The following ZNF318 variants were observed in gnomAD, a reference collection of about 807,000 sequenced individuals.
ZNF318 encodes endocrine regulator.
Under a neutral mutation model 124.2 loss-of-function variants are expected in ZNF318, and 51 were observed. The observed-to-expected ratio is 0.41, with a 90% CI of 0.33 to 0.52. The LOEUF (loss-of-function observed/expected upper bound fraction) is 0.52. Ranked by LOEUF, ZNF318 falls within the 20% of genes least tolerant of loss-of-function variation. The pLI is 0.23. For synonymous variants in ZNF318, 1,090 were observed against 1,040.7 expected (o/e 1.05, Z -0.91); for missense variants, 2,815 against 2,811.2 (o/e 1.00, Z -0.03).
chr6:43,342,075 G>T, intron 8 of ZNF318, 37 bp downstream of exon 8: 2 of 1,572,262 alleles, frequency 1.3e-6, no homozygotes, highest in Non-Finnish European at 8.8e-7. Context: ...TCAACTGAAT[G>T]TAAGGAAACC....
At chr6:43,347,039 T>C (rs570433375) in intron 6 of ZNF318, among the ~76,000 whole-genome samples, 1 of 152,282 alleles carries the variant, frequency 6.6e-6, no homozygotes, top group African/African-American at 2.4e-5. Context: ...TGGGAGTGTA[T>C]ATCAGGCAAA....
chr6:43,343,232 T>C (rs1779395281), intron 6 of ZNF318, among the ~76,000 whole-genome samples: 1 of 152,184 alleles, frequency 6.6e-6, no homozygotes, highest in Middle Eastern at 3.2e-3. Context: ...GTATACCCTT[T>C]AGTAAATGTT....
rs1289461648 is a variant in ZNF318 at position 43,337,459 on chromosome 6, G to C, written c.6539C>G (p.Ser2180Cys). The C allele has an allele frequency of 6.2e-7, 1 of 1,614,192 alleles. No homozygotes were observed. Among genetic ancestry groups the C allele is most frequent in the Non-Finnish European group, 8.5e-7 (1 of 1,180,022 alleles). The change falls in exon 10 of 10, where the codon TCT becomes TGT. Residue 2180 changes from serine (S) to cysteine (C), a missense_variant. Coordinates refer to ENST00000361428, the MANE Select transcript of ZNF318 (RefSeq NM_014345.3). ...ACACAGTTTATCTTTTTGAACTCCA[G>C]AGGTCCGTGTGACAAAGTCAACAAG... is the stretch of plus-strand genomic sequence containing the variant. ...PDLVDFVTRT[S>C]GVQKDKLCSP...
chr6:43,367,476 T>C (rs564806867), intron 1 of ZNF318, among the ~76,000 whole-genome samples: 37 of 152,234 alleles, frequency 2.4e-4, no homozygotes, highest in Non-Finnish European at 3.8e-4. Context: ...CAAGAGGTAA[T>C]AGGGCTTAGA....
chr6:43,353,932 T>A (rs927970092), intron 4 of ZNF318, among the ~76,000 whole-genome samples: 3 of 152,008 alleles, frequency 2.0e-5, no homozygotes, highest in Admixed American at 6.6e-5. Context: ...TGAACCTGGA[T>A]AATATAAAAA....
intron 5 of ZNF318, among the ~76,000 whole-genome samples, chr6:43,350,281 AG>A (rs1237679981): frequency 1.3e-5 from 2 of 152,168 alleles, no homozygotes; most frequent in Non-Finnish European, 2.9e-5. Flanking sequence ...AAAAAAAGAA[AG>A]TACTCAAAAA....
chr6:43,348,713 A>G, intron 5 of ZNF318, 88 bp from the exon 6 acceptor site: 2 of 1,440,166 alleles, frequency 1.4e-6, no homozygotes, highest in Non-Finnish European at 1.9e-6. Flanking sequence ...TCAGGGCTTT[A>G]TGGTTACAAA....
At chr6:43,365,246 G>A (rs758609492) in intron 2 of ZNF318, 46 bp downstream of exon 2, 5 of 1,569,138 alleles carry the variant, frequency 3.2e-6, no homozygotes, top group Non-Finnish European at 3.5e-6. Flanking sequence ...CAACATTTCT[G>A]CCTTCAAGTA....
In ZNF318 at chr6:43,354,816, T is replaced by C. The variant is rs1434093138; in HGVS notation, c.2518A>G (p.Thr840Ala). Residue 840 changes from threonine (T) to alanine (A), a missense_variant, in exon 4 of 10, where the codon ACT (threonine) becomes GCT (alanine). Physicochemically the swap from Thr to Ala is moderately conservative, Grantham distance 58. This residue lies in a region of ZNF318 where 1,377 missense variants were observed against 1,353.5 expected (regional missense o/e 1.02). Transcript: ENST00000361428. ...TGCTTAGGCTTATCAGGAGTCACAG[T>C]GGGGATCACACGAAGATTGGGACGG... ...RSRPNLRVIP[T>A]VTPDKPKQKE... 6.2e-7 allele frequency: 1 copy of C among 1,614,086 alleles called. No individual in the cohort carries two copies. Among genetic ancestry groups the C allele is most frequent in the African/African-American group, 1.3e-5 (1 of 74,932 alleles).
intron 5 of ZNF318, among the ~76,000 whole-genome samples, chr6:43,348,905 G>A (rs1779489044): frequency 6.6e-6 from 1 of 152,058 alleles, no homozygotes; most frequent in South Asian, 2.1e-4. Flanking sequence ...ATGGGGGTGG[G>A]CGCCTGTAAT....
rs1413850953 is a variant in ZNF318 at position 43,369,519 on chromosome 6, G to A, written c.-154C>T. On this transcript the variant is annotated 5_prime_UTR_variant, in exon 1 of 10. Coordinates refer to ENST00000361428, the MANE Select transcript of ZNF318 (RefSeq NM_014345.3). Reference sequence around the variant, plus strand: ...AGCCCCCTCCCCTCGGCCCCGCGTCGCCCCGGGGGCCCGGCCGAGCGCGCC... The same window carrying A: ...AGCCCCCTCCCCTCGGCCCCGCGTCACCCCGGGGGCCCGGCCGAGCGCGCC... 4 of 444,330 alleles carry A rather than the reference G, an allele frequency of 9.0e-6. No individual in the cohort carries two copies. The highest frequency in any genetic ancestry group is 2.2e-5 in the African/African-American group (1 of 46,502). The allele number at this position is 444,330 out of a possible 1,614,324, so 27.5% of individuals were successfully genotyped here.
Position 43,347,867 on chromosome 6 carries a change from G to A in ZNF318, c.3072+457C>T, listed in dbSNP as rs148547691. On this transcript the variant is annotated intron_variant, in intron 6 of 9. Transcript: ENST00000361428. ...TAAGCAGGAGCATCCAATGTACTACGAGGAAAAGAAGTGTGACAGAAGCCA... is the reference window on the plus strand; with the variant it reads ...TAAGCAGGAGCATCCAATGTACTACAAGGAAAAGAAGTGTGACAGAAGCCA... 1.5e-3 allele frequency among the ~76,000 whole-genome samples: 224 copies of A among 152,280 alleles called. 1 individual carries two copies. The Middle Eastern group carries it at 0.017, about 12-fold the overall frequency.
chr6:43,342,525 G>T, intron 7 of ZNF318, 151 bp downstream of exon 7: 1 of 771,290 alleles, frequency 1.3e-6, no homozygotes, highest in Non-Finnish European at 2.1e-6. Flanking sequence ...TGGGGATGGT[G>T]TCTCCTTTGT....
Position 43,348,373 on chromosome 6 carries a change from G to T in ZNF318, c.3023C>A (p.Ser1008Tyr), listed in dbSNP as rs758946175. The change falls in exon 6 of 10, where the codon TCT becomes TAT. Residue 1008 changes from serine to tyrosine, a missense_variant. Around this residue, in one of 4 missense-constraint regions of ZNF318, gnomAD observed 1,377 missense variants for 1,353.5 expected, o/e 1.02. Transcript: ENST00000361428. Reference sequence around the variant, plus strand: ...CGATGACACTTTTTCTGGGCTCTTAGATTTTTCTGCTTTCCCAGGCTTCTC... The same window carrying T: ...CGATGACACTTTTTCTGGGCTCTTATATTTTTCTGCTTTCCCAGGCTTCTC... ...PTEKPGKAEKSKSPEKVSSFS... is the reference protein window; with the variant it reads ...PTEKPGKAEKYKSPEKVSSFS... 47 of 1,613,092 alleles carry T rather than the reference G, an allele frequency of 2.9e-5. No homozygotes were observed. The highest frequency in any genetic ancestry group is 3.6e-5 in the Non-Finnish European group (43 of 1,179,828).
At chr6:43,359,583 C>A (rs1046378873) in intron 2 of ZNF318, among the ~76,000 whole-genome samples, 2 of 152,306 alleles carry the variant, frequency 1.3e-5, no homozygotes, top group East Asian at 3.9e-4. Flanking sequence ...TCTACAGTTT[C>A]TAGTAGCTAC....
chr6:43,339,285 T>C lies in ZNF318; in HGVS notation c.4713A>G (p.Ile1571Met), dbSNP rs1779336482. 1 of 1,614,074 alleles carries C rather than the reference T, an allele frequency of 6.2e-7. No individual in the cohort carries two copies. The highest frequency in any genetic ancestry group is 1.3e-5 in the African/African-American group (1 of 74,926). The change falls in exon 10 of 10, where the codon ATA becomes ATG. Residue 1571 changes from isoleucine to methionine, a missense_variant. Around this residue, in one of 4 missense-constraint regions of ZNF318, gnomAD observed 11 missense variants for 31.9 expected, o/e 0.35. Coordinates refer to ENST00000361428, the MANE Select transcript of ZNF318 (RefSeq NM_014345.3). This position sits in a 1 kb window ranked among gnomAD's most constrained non-coding sequence, Gnocchi z 4.2. ...ATANAKDLYD[I>M]FYSSGGKGAP... is the part of the protein sequence containing the mutation. ...CCCCCTTTCCACCACTACTATAGAATATGTCATACAGGTCCTTAGCATTGG... is the reference window on the plus strand; with the variant it reads ...CCCCCTTTCCACCACTACTATAGAACATGTCATACAGGTCCTTAGCATTGG...
chr6:43,342,970 T>A, intron 6 of ZNF318, 91 bp from the exon 7 acceptor site: 53 of 658,970 alleles, frequency 8.0e-5, no homozygotes, highest in Non-Finnish European at 1.3e-4. Context: ...ATAATAGAAA[T>A]AGGGCCATAT....
chr6:43,353,453 C>A (rs377610440), intron 4 of ZNF318, among the ~76,000 whole-genome samples: 4 of 150,646 alleles, frequency 2.7e-5, no homozygotes, highest in African/African-American at 7.3e-5. Context: ...CAGCTCACTG[C>A]AACCTCCATC....
Position 43,339,195 on chromosome 6 carries a change from A to C in ZNF318, c.4803T>G (p.Asn1601Lys), listed in dbSNP as rs777815900. Residue 1601 changes from asparagine to lysine, a missense_variant, in exon 10 of 10, where the codon AAT (asparagine) becomes AAG (lysine). Asn to Lys is a moderately conservative substitution (Grantham distance 94). This residue lies in a region of ZNF318 where 927 missense variants were observed against 820.6 expected (regional missense o/e 1.13). Transcript: ENST00000361428. The surrounding 1 kb of genome is among the most constrained non-coding windows in gnomAD (Gnocchi z 4.2). ...AACTTTTGGTTCTAGAGAGGTTGCT[A>C]TTTTCCCCATTGGCCAATGGACCAC... ...LSGGPLANGE[N>K]SNLSRTKSSD... is the part of the protein sequence containing the mutation. 3 of 1,613,924 alleles carry C rather than the reference A, an allele frequency of 1.9e-6. No individual in the cohort carries two copies. In the African/African-American group the frequency reaches 4.0e-5, roughly 22 times the overall value.
Sources: gnomAD v4.1 joint callset for allele counts (sites outside exome capture counted in the v4.1 genomes callset) on GRCh38, gnomAD v4.1.1 for gene constraint, gnomAD v4.1.1 regional missense constraint, Gnocchi (gnomAD v3.1) non-coding constraint, MANE v1.5 for transcripts, NCBI Gene and HGNC (gene_info 2026-07-23, HGNC 2026-07-21) for gene names.